KCNQ1: variants seen among roughly 807,000 people sequenced by gnomAD.
KCNQ1 encodes potassium voltage-gated channel subfamily KQT member 1.
In KCNQ1, 49 loss-of-function variants were observed where a neutral mutation model predicts 72.4. The observed-to-expected ratio is 0.68, with a 90% CI of 0.54 to 0.86. KCNQ1 has a LOEUF of 0.86. Ranked by LOEUF, KCNQ1 falls within the 40% of genes least tolerant of loss-of-function variation. The probability of loss-of-function intolerance (pLI) is 0.00; values close to 1 mark genes in which losing one functional copy is unlikely to be tolerated. For synonymous variants in KCNQ1, 450 were observed against 412.6 expected (o/e 1.09, Z -1.10); for missense variants, 790 against 945.1 (o/e 0.84, Z 2.15).
intron 2 of KCNQ1, among the ~76,000 whole-genome samples, chr11:2,548,339 C>T (rs1013695535): frequency 7.9e-5 from 12 of 152,150 alleles, no homozygotes; most frequent in African/African-American, 2.7e-4. Context: ...CTGAATCAAG[C>T]GTGGCAGAAG....
intron 15 of KCNQ1, among the ~76,000 whole-genome samples, chr11:2,835,397 T>TCACACACACA (rs36227626): frequency 3.1e-5 from 4 of 130,478 alleles, no homozygotes; most frequent in African/African-American, 8.0e-5. Context: ...AAACCCTGAC[T>TCACACACACA]CACACACACA....
At position 2,645,474 on chromosome 11, in the gene KCNQ1, C is replaced by T; in HGVS notation, c.1394-16487C>T. On this transcript the variant is annotated intron_variant, in intron 10 of 15. Transcript: ENST00000155840. The surrounding 1 kb of genome is among the most constrained non-coding windows in gnomAD (Gnocchi z 5.8). Reference sequence around the variant, plus strand: ...CAGGCACAGGAAGATCCCTGTATACCCTGCTGAATGCTCATGTTGGGGCAG... The same window carrying T: ...CAGGCACAGGAAGATCCCTGTATACTCTGCTGAATGCTCATGTTGGGGCAG... The T allele has an allele frequency of 2.5e-6, 1 of 398,648 alleles. No homozygotes were observed. The highest frequency in any genetic ancestry group is 4.4e-6 in the Non-Finnish European group (1 of 226,154). The allele number at this position is 398,648 out of a possible 1,614,324, so 24.7% of individuals were successfully genotyped here. A position where few individuals can be genotyped will look rare whatever the true frequency, so the allele number is the denominator to read the frequency against.
Position 2,848,987 on chromosome 11 carries a change from TCA to T in KCNQ1, c.*987_*988del. On this transcript the variant is annotated 3_prime_UTR_variant, in exon 16 of 16. Transcript: ENST00000155840. ...AGCTTTTCCTAATAAACGTGGAGAA[TCA>T]CAGGCTGGGCTGGGCACTGCTCTCA... 1 of 454,180 alleles carries T rather than the reference TCA, an allele frequency of 2.2e-6. No homozygotes were observed. The highest frequency in any genetic ancestry group is 4.4e-6 in the Non-Finnish European group (1 of 226,790). The allele number at this position is 454,180 out of a possible 1,614,324, so 28.1% of individuals were successfully genotyped here. A position where few individuals can be genotyped will look rare whatever the true frequency, so the allele number is the denominator to read the frequency against.
chr11:2,846,779 C>G (rs1258622548), intron 15 of KCNQ1, among the ~76,000 whole-genome samples: 2 of 152,268 alleles, frequency 1.3e-5, no homozygotes, highest in Non-Finnish European at 1.5e-5. Flanking sequence ...CTCAGATCAC[C>G]TGGCTGTCCA....
intron 15 of KCNQ1, among the ~76,000 whole-genome samples, chr11:2,792,008 G>A (rs745423490): frequency 1.3e-5 from 2 of 152,222 alleles, no homozygotes; most frequent in Non-Finnish European, 2.9e-5. Context: ...GATTAAACAC[G>A]GGGCCGAGGC....
intron 11 of KCNQ1, among the ~76,000 whole-genome samples, chr11:2,742,098 A>C (rs1270329994): frequency 6.6e-6 from 1 of 152,266 alleles, no homozygotes; most frequent in Admixed American, 6.5e-5. Flanking sequence ...ATTAGAAGGT[A>C]GAAGGAAGAA....
intron 11 of KCNQ1, 109 bp downstream of exon 11, chr11:2,662,190 G>A (rs1849971737): frequency 4.1e-6 from 6 of 1,467,888 alleles, no homozygotes; most frequent in Middle Eastern, 2.3e-4. Context: ...CTATCTACTC[G>A]CCTAGTGCCC....
intron 15 of KCNQ1, among the ~76,000 whole-genome samples, chr11:2,802,738 G>GT (rs2134027609): frequency 6.6e-6 from 1 of 152,280 alleles, no homozygotes; most frequent in East Asian, 1.9e-4. Flanking sequence ...GCAGGGCGGG[G>GT]TTGTCTCCTG....
At chr11:2,644,891 TG>T (rs1849643276) in intron 10 of KCNQ1, 1 of 398,874 alleles carries the variant, frequency 2.5e-6, no homozygotes, top group Non-Finnish European at 4.4e-6. Context: ...AAAGTCTGGC[TG>T]GGGATAGGGA....
At position 2,679,484 on chromosome 11, in the gene KCNQ1, C is replaced by T. The variant is rs898286464; in HGVS notation, c.1514+17403C>T. The T allele has an allele frequency of 2.5e-6, 1 of 398,462 alleles. No homozygotes were observed. The highest frequency in any genetic ancestry group is 4.4e-6 in the Non-Finnish European group (1 of 226,062). 24.7% of individuals were successfully genotyped at this position (398,462 alleles called of 1,614,324 possible). On this transcript the variant is annotated intron_variant, in intron 11 of 15. Coordinates refer to ENST00000155840, the MANE Select transcript of KCNQ1 (RefSeq NM_000218.3). The surrounding 1 kb of genome is among the most constrained non-coding windows in gnomAD (Gnocchi z 4.8). ...ATAAAGTATGCAGAAAAGTGCCTGT[C>T]CTATAGTAGTGACACAGTGTTACTT...
At chr11:2,686,086 GT>G in intron 11 of KCNQ1, 1 of 398,878 alleles carries the variant, frequency 2.5e-6, no homozygotes. Flanking sequence ...CCAGCATTGA[GT>G]AGGCCTGAGT....
intron 1 of KCNQ1, among the ~76,000 whole-genome samples, chr11:2,525,835 C>T (rs1488698812): frequency 1.3e-5 from 2 of 152,266 alleles, no homozygotes; most frequent in South Asian, 4.1e-4. Flanking sequence ...TGAAGGAAGT[C>T]CCACGGGGCT....
In KCNQ1 at chr11:2,651,106, C is replaced by G. The variant is rs1449965510; in HGVS notation, c.1394-10855C>G. 1 of 398,584 alleles carries G rather than the reference C, an allele frequency of 2.5e-6. No homozygotes were observed. Among genetic ancestry groups the G allele is most frequent in the Non-Finnish European group, 4.4e-6 (1 of 226,128 alleles). The allele number at this position is 398,584 out of a possible 1,614,324, so 24.7% of individuals were successfully genotyped here. ...GTCTCTTGATTTCCACTCTTGCTTC[C>G]TGTACTCCATTCTTCACATAACAGC... On this transcript the variant is annotated intron_variant, in intron 10 of 15. Transcript: ENST00000155840. This position sits in a 1 kb window ranked among gnomAD's most constrained non-coding sequence, Gnocchi z 6.1.
chr11:2,584,858 A>G (rs751285859), intron 7 of KCNQ1, among the ~76,000 whole-genome samples: 81 of 152,092 alleles, frequency 5.3e-4, no homozygotes, highest in Admixed American at 7.2e-4. Context: ...TCCTCAGCTG[A>G]GGACTGCCTT....
chr11:2,574,834 G>A (rs962922437), intron 6 of KCNQ1, among the ~76,000 whole-genome samples: 2 of 152,194 alleles, frequency 1.3e-5, no homozygotes, highest in African/African-American at 2.4e-5. Flanking sequence ...CCCCACTTTC[G>A]GCCTCTTCCC....
At chr11:2,628,590 C>T (rs1386509804) in intron 10 of KCNQ1, 6 of 398,272 alleles carry the variant, frequency 1.5e-5, no homozygotes, top group Non-Finnish European at 2.2e-5. Flanking sequence ...GCTACATGTG[C>T]TGCCTTTTCA....
rs1264449029 is a variant in KCNQ1, at chr11:2,653,478, C to T, written c.1394-8483C>T. On this transcript the variant is annotated intron_variant, in intron 10 of 15. Transcript: ENST00000155840. The surrounding 1 kb of genome is among the most constrained non-coding windows in gnomAD (Gnocchi z 5.3). The stretch of plus-strand genomic sequence containing the variant: ...CTCACACAGCTGGACCCAGCTGTTT[C>T]AGACACAGCTGGACCCCAGAGCTGA... 2.5e-6 allele frequency: 1 copy of T among 397,566 alleles called. No individual in the cohort carries two copies. Among genetic ancestry groups the T allele is most frequent in the African/African-American group, 2.1e-5 (1 of 47,998 alleles). 24.6% of individuals were successfully genotyped at this position (397,566 alleles called of 1,614,324 possible).
intron 10 of KCNQ1, chr11:2,632,248 T>G (rs941235156): frequency 6.8e-5 from 27 of 398,426 alleles, no homozygotes; most frequent in Admixed American, 1.3e-4. Context: ...TCCTGCTACT[T>G]TGCTGAATTA....
rs1293550286 is a variant in KCNQ1, at chr11:2,446,685, A to C, written c.386+1201A>C. On this transcript the variant is annotated intron_variant, in intron 1 of 15. Coordinates refer to ENST00000155840, the MANE Select transcript of KCNQ1 (RefSeq NM_000218.3). This position sits in a 1 kb window ranked among gnomAD's most constrained non-coding sequence, Gnocchi z 8.8. ...GTGGCCTTCCACATCAGGAAGGGGAAGTCTTACCCACCTCCCTCCTCAAAG... is the reference window on the plus strand; with the variant it reads ...GTGGCCTTCCACATCAGGAAGGGGACGTCTTACCCACCTCCCTCCTCAAAG... 6.6e-6 allele frequency among the ~76,000 whole-genome samples: 1 copy of C among 152,164 alleles called. No homozygotes were observed. Among genetic ancestry groups the C allele is most frequent in the Admixed American group, 6.5e-5 (1 of 15,282 alleles).
Sources: allele counts gnomAD v4.1 joint callset (sites outside exome capture counted in the v4.1 genomes callset), GRCh38; gene constraint gnomAD v4.1.1; non-coding constraint Gnocchi (gnomAD v3.1); transcripts MANE v1.5; gene names NCBI Gene and HGNC (gene_info 2026-07-23, HGNC 2026-07-21).